The following CHSY3 variants were observed in gnomAD, a reference collection of about 807,000 sequenced individuals.
CHSY3 encodes the protein N-acetylgalactosaminyl-proteoglycan 3-beta-glucuronosyltransferase 3.
In CHSY3, 35 loss-of-function variants were observed where a neutral mutation model predicts 67.2. The observed-to-expected ratio is 0.52, with a 90% CI of 0.40 to 0.69. The LOEUF (loss-of-function observed/expected upper bound fraction) is 0.69. CHSY3 is among the 30% of genes least tolerant of loss of function. The pLI, the probability that CHSY3 is intolerant of heterozygous loss-of-function variation, is 0.00. For synonymous variants in CHSY3, 474 were observed against 434.7 expected (o/e 1.09, Z -1.12); for missense variants, 1,069 against 1,138.5 (o/e 0.94, Z 0.88).
chr5:130,064,662 T>A (rs989879570), intron 2 of CHSY3, among the ~76,000 whole-genome samples: 2 of 152,192 alleles, frequency 1.3e-5, no homozygotes, highest in Non-Finnish European at 2.9e-5. Flanking sequence ...TGCATATGCC[T>A]GACTCTTTAT....
chr5:130,098,602 A>G (rs1767127747), intron 2 of CHSY3, among the ~76,000 whole-genome samples: 1 of 152,250 alleles, frequency 6.6e-6, no homozygotes, highest in East Asian at 1.9e-4. Flanking sequence ...GATGAACTAC[A>G]TGAGATGATT....
At chr5:130,131,999 G>A in intron 2 of CHSY3, among the ~76,000 whole-genome samples, 1 of 151,912 alleles carries the variant, frequency 6.6e-6, no homozygotes, top group South Asian at 2.1e-4. Context: ...CCACCCAAAG[G>A]CCCCCACTGG....
chr5:130,179,015 C>T (rs1770166690), intron 2 of CHSY3, among the ~76,000 whole-genome samples: 1 of 152,208 alleles, frequency 6.6e-6, no homozygotes, highest in African/African-American at 2.4e-5. Flanking sequence ...TATCTGTGTG[C>T]AGTCAACTTC....
chr5:129,929,047 G>A (rs1055435508), intron 2 of CHSY3, among the ~76,000 whole-genome samples: 2 of 152,122 alleles, frequency 1.3e-5, no homozygotes, highest in Admixed American at 1.3e-4. Flanking sequence ...TCAAAGAATG[G>A]CATTTCATTT....
At chr5:130,062,899 A>C (rs546203735) in intron 2 of CHSY3, among the ~76,000 whole-genome samples, 1 of 152,230 alleles carries the variant, frequency 6.6e-6, no homozygotes, top group Admixed American at 6.6e-5. Flanking sequence ...GATTTTTTTT[A>C]CACATGGGAT....
At chr5:130,123,672 C>T (rs1020972376) in intron 2 of CHSY3, among the ~76,000 whole-genome samples, 4 of 152,074 alleles carry the variant, frequency 2.6e-5, no homozygotes, top group African/African-American at 4.8e-5. Context: ...TTCTTTTGTG[C>T]ATTTGTGCAT....
chr5:129,964,664 GTGT>G (rs1561476220), intron 2 of CHSY3, among the ~76,000 whole-genome samples: 1 of 151,832 alleles, frequency 6.6e-6, no homozygotes, highest in Non-Finnish European at 1.5e-5. Flanking sequence ...TTTTCCCCCT[GTGT>G]ATATAGCAAA....
At position 130,015,050 on chromosome 5, in the gene CHSY3, T is replaced by C. The variant is rs1764177102; in HGVS notation, c.1086+106690T>C. ...CATGTTGAATTGTAATTCCCACTGT[T>C]AGAGGAGGAACCTGGTAGGAGGTGA... is the stretch of plus-strand genomic sequence containing the variant. On this transcript the variant is annotated intron_variant, in intron 2 of 2. Coordinates refer to ENST00000305031, the MANE Select transcript of CHSY3 (RefSeq NM_175856.5). Among the ~76,000 whole-genome samples, 3 of 152,188 alleles carry C rather than the reference T, an allele frequency of 2.0e-5. No homozygotes were observed. The South Asian group carries it at 6.2e-4, about 31-fold the overall frequency.
chr5:129,993,828 T>C (rs1763444634), intron 2 of CHSY3, among the ~76,000 whole-genome samples: 1 of 151,590 alleles, frequency 6.6e-6, no homozygotes, highest in South Asian at 2.1e-4. Context: ...CAATTTGGCA[T>C]GTTTTTGCAG....
At chr5:129,939,144 G>A (rs1357662338) in intron 2 of CHSY3, among the ~76,000 whole-genome samples, 1 of 152,144 alleles carries the variant, frequency 6.6e-6, no homozygotes, top group African/African-American at 2.4e-5. Flanking sequence ...ATGCTGTCAG[G>A]AAAGAGAGAG....
chr5:129,999,512 C>G (rs942853789), intron 2 of CHSY3, among the ~76,000 whole-genome samples: 1 of 152,084 alleles, frequency 6.6e-6, no homozygotes, highest in African/African-American at 2.4e-5. Context: ...AATGATTACA[C>G]TAGAAAAGAA....
intron 2 of CHSY3, among the ~76,000 whole-genome samples, chr5:130,162,293 T>C (rs531055101): frequency 1.3e-5 from 2 of 152,240 alleles, no homozygotes; most frequent in East Asian, 3.9e-4. Flanking sequence ...TATTTTAATG[T>C]TTTCACATAA....
intron 2 of CHSY3, among the ~76,000 whole-genome samples, chr5:129,914,381 G>T (rs1760669984): frequency 6.6e-6 from 1 of 152,192 alleles, no homozygotes. Context: ...CCAAAGTGCT[G>T]GGATTACAGG....
intron 2 of CHSY3, among the ~76,000 whole-genome samples, chr5:129,928,245 G>A (rs2149587131): frequency 7.4e-6 from 1 of 135,968 alleles, no homozygotes; most frequent in East Asian, 2.2e-4. Context: ...CTGATCATTA[G>A]AGGGAGAAAA....
intron 2 of CHSY3, among the ~76,000 whole-genome samples, chr5:130,034,096 A>C (rs1764780093): frequency 6.6e-6 from 1 of 152,098 alleles, no homozygotes; most frequent in South Asian, 2.1e-4. Flanking sequence ...AACGTTCCCC[A>C]GATGTTTGTT....
chr5:130,019,338 G>A (rs949261090), intron 2 of CHSY3, among the ~76,000 whole-genome samples: 2 of 151,786 alleles, frequency 1.3e-5, no homozygotes, highest in African/African-American at 4.8e-5. Context: ...TTATCTCTGT[G>A]AATGGCAACA....
chr5:130,036,055 G>A (rs138821766), intron 2 of CHSY3, among the ~76,000 whole-genome samples: 123 of 151,990 alleles, frequency 8.1e-4, no homozygotes, highest in African/African-American at 2.7e-3. Context: ...CTTTGGTTCC[G>A]GATGCACTGA....
intron 2 of CHSY3, among the ~76,000 whole-genome samples, chr5:129,963,146 A>G (rs192087482): frequency 6.6e-6 from 1 of 151,968 alleles, no homozygotes; most frequent in Non-Finnish European, 1.5e-5. Context: ...GCCTAGATCT[A>G]GAATGCTATT....
chr5:130,002,150 G>A, intron 2 of CHSY3: 1 of 793,482 alleles, frequency 1.3e-6, no homozygotes, highest in Non-Finnish European at 1.5e-6. Context: ...GAATCATTCA[G>A]GTTTCCACCT....
Sources: allele counts gnomAD v4.1 joint callset (sites outside exome capture counted in the v4.1 genomes callset), GRCh38; gene constraint gnomAD v4.1.1; transcripts MANE v1.5; gene names NCBI Gene and HGNC (gene_info 2026-07-23, HGNC 2026-07-21).